Variants in MAML2 observed in about 807,000 individuals in gnomAD.
The protein encoded by MAML2 is mastermind-like protein 2.
MAML2 carries 22 observed loss-of-function variants against 96.1 expected under a neutral mutation model. That is an observed-to-expected ratio of 0.23 (90% confidence interval 0.16 to 0.33). MAML2 has a LOEUF of 0.33. MAML2 is among the 10% of genes least tolerant of loss of function. The pLI is 1.00. For missense variants in MAML2, 1,367 were observed against 1,392.4 expected (o/e 0.98, Z 0.29); for synonymous variants, 561 against 521.3 (o/e 1.08, Z -1.04).
chr11:96,154,320 A>G (rs1343154277), intron 1 of MAML2, among the ~76,000 whole-genome samples: 1 of 152,188 alleles, frequency 6.6e-6, no homozygotes, highest in Non-Finnish European at 1.5e-5. Flanking sequence ...AGAAAATGCA[A>G]CTGGAGGGCT....
At chr11:96,064,833 AATT>A (rs1320593790) in intron 2 of MAML2, among the ~76,000 whole-genome samples, 3 of 152,238 alleles carry the variant, frequency 2.0e-5, no homozygotes, top group Non-Finnish European at 4.4e-5. Flanking sequence ...AATTGGTTTT[AATT>A]ATTAATGTTA....
At chr11:96,191,614 T>C (rs756283549) in intron 1 of MAML2, among the ~76,000 whole-genome samples, 3 of 150,386 alleles carry the variant, frequency 2.0e-5, no homozygotes, top group Non-Finnish European at 4.4e-5. Flanking sequence ...CTACTAAAAA[T>C]ATAAAAAATT....
chr11:95,988,305 C>G (rs1444874878), intron 3 of MAML2, among the ~76,000 whole-genome samples: 3 of 151,316 alleles, frequency 2.0e-5, no homozygotes, highest in African/African-American at 4.9e-5. Flanking sequence ...GTCATCCAGG[C>G]TGGAGTGCAA....
At position 95,991,726 on chromosome 11, in the gene MAML2, AAAG is replaced by A; in HGVS notation, c.2140-6_2140-4del. 2 of 1,611,958 alleles carry A rather than the reference AAAG, an allele frequency of 1.2e-6. No individual in the cohort carries two copies. The highest frequency in any genetic ancestry group is 1.7e-6 in the Non-Finnish European group (2 of 1,178,288). ...TGGCCTACCACAGAGTGTTGATCCT[AAAG>A]AAGAGAAAGGGGGAAGGAAAAGCTA... On this transcript the variant is annotated splice_polypyrimidine_tract_variant and splice_region_variant and intron_variant, in intron 2 of 4. Transcript: ENST00000524717.
chr11:96,183,388 G>T (rs3016488), intron 1 of MAML2, among the ~76,000 whole-genome samples: 5 of 129,108 alleles, frequency 3.9e-5, no homozygotes, highest in South Asian at 2.5e-4. Flanking sequence ...CCCTTCCTCC[G>T]TTCCTCCCCC....
chr11:96,285,448 T>C (rs1336842066), intron 1 of MAML2, among the ~76,000 whole-genome samples: 2 of 152,054 alleles, frequency 1.3e-5, no homozygotes, highest in African/African-American at 4.8e-5. Flanking sequence ...CGGAAGCAAT[T>C]GCAAAAAAAG....
intron 2 of MAML2, among the ~76,000 whole-genome samples, chr11:96,085,208 G>A (rs1305454347): frequency 3.3e-5 from 5 of 152,118 alleles, no homozygotes; most frequent in Non-Finnish European, 2.9e-5. Flanking sequence ...TCTCCTGCTT[G>A]AGACACAATG....
intron 1 of MAML2, among the ~76,000 whole-genome samples, chr11:96,258,698 C>T (rs534521844): frequency 6.6e-6 from 1 of 152,316 alleles, no homozygotes; most frequent in East Asian, 1.9e-4. Flanking sequence ...TTCATTCCAG[C>T]CACTATCAGC....
intron 2 of MAML2, among the ~76,000 whole-genome samples, chr11:96,071,528 A>G (rs1859344603): frequency 6.6e-6 from 1 of 152,152 alleles, no homozygotes; most frequent in Non-Finnish European, 1.5e-5. Flanking sequence ...AGCTTGTCAA[A>G]CTCTTGTTTT....
intron 2 of MAML2, among the ~76,000 whole-genome samples, chr11:96,014,999 A>G (rs915895810): frequency 6.6e-6 from 1 of 152,200 alleles, no homozygotes; most frequent in African/African-American, 2.4e-5. Context: ...TATAATAACC[A>G]TCTATGTACT....
intron 2 of MAML2, among the ~76,000 whole-genome samples, chr11:96,083,565 T>A (rs1021731256): frequency 6.6e-6 from 1 of 152,144 alleles, no homozygotes; most frequent in African/African-American, 2.4e-5. Flanking sequence ...TGGGCAAATG[T>A]TGTTTAGAGA....
At chr11:95,989,119 T>C (rs1254745213) in intron 3 of MAML2, among the ~76,000 whole-genome samples, 2 of 152,234 alleles carry the variant, frequency 1.3e-5, no homozygotes, top group Non-Finnish European at 2.9e-5. Context: ...TTGTGCTTCA[T>C]TGGTAGGAGA....
chr11:96,285,713 A>G (rs1188571755), intron 1 of MAML2, among the ~76,000 whole-genome samples: 4 of 152,210 alleles, frequency 2.6e-5, no homozygotes, highest in Non-Finnish European at 4.4e-5. Flanking sequence ...GCCAAAACAC[A>G]TATGAAAAAA....
At chr11:96,245,364 A>C (rs1368339210) in intron 1 of MAML2, among the ~76,000 whole-genome samples, 1 of 152,148 alleles carries the variant, frequency 6.6e-6, no homozygotes, top group Non-Finnish European at 1.5e-5. Context: ...ATAGTATATT[A>C]ATGCCATGTG....
chr11:96,259,405 C>T (rs765182568), intron 1 of MAML2, among the ~76,000 whole-genome samples: 5 of 152,204 alleles, frequency 3.3e-5, no homozygotes, highest in Non-Finnish European at 5.9e-5. Flanking sequence ...TGCTTCGCTC[C>T]AATGCTTCCA....
At chr11:96,250,410 A>T (rs1220509817) in intron 1 of MAML2, among the ~76,000 whole-genome samples, 6 of 152,218 alleles carry the variant, frequency 3.9e-5, no homozygotes, top group Admixed American at 2.6e-4. Context: ...TGTTGGGAAC[A>T]TACACTATCC....
intron 1 of MAML2, among the ~76,000 whole-genome samples, chr11:96,286,544 GTTAGTA>G (rs981820885): frequency 1.3e-5 from 2 of 151,688 alleles, no homozygotes; most frequent in Non-Finnish European, 2.9e-5. Context: ...TTCTTAAACT[GTTAGTA>G]TTAGTATATA....
At chr11:96,177,536 T>TA (rs1292249100) in intron 1 of MAML2, among the ~76,000 whole-genome samples, 1 of 152,226 alleles carries the variant, frequency 6.6e-6, no homozygotes, top group Non-Finnish European at 1.5e-5. Context: ...TGTTTAATAC[T>TA]AAAAATCTGA....
At chr11:96,058,908 C>G (rs957320076) in intron 2 of MAML2, among the ~76,000 whole-genome samples, 6 of 152,058 alleles carry the variant, frequency 3.9e-5, no homozygotes, top group East Asian at 1.9e-4. Flanking sequence ...ATGGTAAAAC[C>G]CTGTCTCTAC....
Sources: gnomAD v4.1 joint callset for allele counts (sites outside exome capture counted in the v4.1 genomes callset) on GRCh38, gnomAD v4.1.1 for gene constraint, MANE v1.5 for transcripts, NCBI Gene and HGNC (gene_info 2026-07-23, HGNC 2026-07-21) for gene names.